LRP1B: variants seen among roughly 807,000 people sequenced by gnomAD.
LRP1B encodes the protein low-density lipoprotein receptor-related protein 1B.
LRP1B carries 217 observed loss-of-function variants against 556.6 expected under a neutral mutation model. The ratio of observed to expected loss-of-function variants is 0.39; its 90% confidence interval spans 0.35 to 0.44. The LOEUF is 0.44. LRP1B is among the 20% of genes least tolerant of loss of function. The probability of loss-of-function intolerance (pLI) is 1.00; values close to 1 mark genes in which losing one functional copy is unlikely to be tolerated. For missense variants in LRP1B, 5,053 were observed against 5,620.8 expected, an observed-to-expected ratio of 0.90 and a Z score of 3.23; for synonymous variants, 2,047 against 1,865.8, an observed-to-expected ratio of 1.10 and a Z score of -2.50.
chr2:141,058,866 G>T lies in LRP1B; in HGVS notation c.1408+17C>A, dbSNP rs758714361. Reference sequence around the variant, plus strand: ...AATCTACCATTAGGAAGGTAATAAAGAAGCTTTCCCACTTACCTGTTGGTT... The same window carrying T: ...AATCTACCATTAGGAAGGTAATAAATAAGCTTTCCCACTTACCTGTTGGTT... On this transcript the variant is annotated intron_variant, in intron 9 of 90. Coordinates refer to ENST00000389484, the MANE Select transcript of LRP1B (RefSeq NM_018557.3). 3.2e-6 allele frequency: 5 copies of T among 1,566,340 alleles called. No individual in the cohort carries two copies. Among genetic ancestry groups the T allele is most frequent in the Non-Finnish European group, 4.3e-6 (5 of 1,158,744 alleles).
intron 3 of LRP1B, among the ~76,000 whole-genome samples, chr2:141,321,256 T>C (rs1687229833): frequency 6.6e-6 from 1 of 152,074 alleles, no homozygotes; most frequent in South Asian, 2.1e-4. Context: ...TACTAGTTAA[T>C]AGTAAATAAA....
intron 2 of LRP1B, among the ~76,000 whole-genome samples, chr2:141,538,689 T>C (rs1685145808): frequency 6.7e-6 from 1 of 150,290 alleles, no homozygotes; most frequent in South Asian, 2.1e-4. Context: ...CAGGCTGGAG[T>C]GCAGCAGCAC....
At chr2:141,834,871 G>A (rs939979827) in intron 1 of LRP1B, among the ~76,000 whole-genome samples, 1 of 151,938 alleles carries the variant, frequency 6.6e-6, no homozygotes, top group African/African-American at 2.4e-5. Flanking sequence ...GCAAAAAAGT[G>A]CAGAGTGAAT....
At chr2:141,058,536 T>G (rs576961020) in intron 9 of LRP1B, among the ~76,000 whole-genome samples, 3 of 151,978 alleles carry the variant, frequency 2.0e-5, no homozygotes, top group African/African-American at 7.2e-5. Context: ...TTCAAGGCAG[T>G]CACCTGATTT....
chr2:140,627,423 C>T (rs1272520809), intron 41 of LRP1B, among the ~76,000 whole-genome samples: 1 of 152,102 alleles, frequency 6.6e-6, no homozygotes, highest in East Asian at 1.9e-4. Flanking sequence ...TGAATGCTTC[C>T]TGCCCTCGAA....
intron 84 of LRP1B, among the ~76,000 whole-genome samples, chr2:140,279,310 G>T (rs551900204): frequency 1.3e-5 from 2 of 152,000 alleles, no homozygotes; most frequent in Non-Finnish European, 2.9e-5. Context: ...TGCATGCTAT[G>T]TGCAAGTCCA....
At chr2:141,475,125 G>A (rs979975358) in intron 3 of LRP1B, among the ~76,000 whole-genome samples, 1 of 152,132 alleles carries the variant, frequency 6.6e-6, no homozygotes, top group East Asian at 1.9e-4. Flanking sequence ...TGTAATCCAA[G>A]CACTGTGGGA....
intron 1 of LRP1B, among the ~76,000 whole-genome samples, chr2:142,079,887 AG>A (rs1402165868): frequency 6.6e-6 from 1 of 152,152 alleles, no homozygotes; most frequent in Non-Finnish European, 1.5e-5. Flanking sequence ...CTGAACTAAC[AG>A]GTTTTCAACA....
intron 7 of LRP1B, among the ~76,000 whole-genome samples, chr2:141,107,401 G>T (rs976304566): frequency 6.6e-6 from 1 of 152,150 alleles, no homozygotes; most frequent in East Asian, 1.9e-4. Flanking sequence ...TAATCCCAGC[G>T]CTTTGGGAGG....
intron 2 of LRP1B, among the ~76,000 whole-genome samples, chr2:141,795,857 A>AAAAAATATATAT (rs1491180183): frequency 6.8e-4 from 35 of 51,604 alleles, no homozygotes; most frequent in African/African-American, 2.6e-3. Context: ...AACCAGGAGC[A>AAAAAATATATAT]ATATATATAT....
chr2:140,273,102 G>A (rs900280183), intron 85 of LRP1B, among the ~76,000 whole-genome samples: 1 of 151,854 alleles, frequency 6.6e-6, no homozygotes, highest in Non-Finnish European at 1.5e-5. Flanking sequence ...GGTAAAATGG[G>A]TAGGAAACTT....
chr2:140,772,802 AAG>A, intron 33 of LRP1B, among the ~76,000 whole-genome samples: 1 of 152,056 alleles, frequency 6.6e-6, no homozygotes, highest in African/African-American at 2.4e-5. Flanking sequence ...TTTGGAGAGA[AAG>A]AGAAATAAGG....
chr2:142,064,760 A>AT (rs576214421), intron 1 of LRP1B, among the ~76,000 whole-genome samples: 243 of 151,684 alleles, frequency 1.6e-3, no homozygotes, highest in African/African-American at 5.5e-3. Context: ...TGTATCTATC[A>AT]TTTTTTGTTT....
At chr2:141,400,738 A>G (rs1690421811) in intron 3 of LRP1B, among the ~76,000 whole-genome samples, 1 of 152,134 alleles carries the variant, frequency 6.6e-6, no homozygotes, top group African/African-American at 2.4e-5. Flanking sequence ...CAATATCTCC[A>G]TGATTTCAGT....
chr2:140,728,341 G>T (rs767263325), intron 35 of LRP1B, among the ~76,000 whole-genome samples: 1 of 152,108 alleles, frequency 6.6e-6, no homozygotes, highest in Non-Finnish European at 1.5e-5. Flanking sequence ...CAGGTAACAC[G>T]TGAGAACTAA....
At chr2:141,859,376 C>G (rs1268655550) in intron 1 of LRP1B, among the ~76,000 whole-genome samples, 2 of 152,142 alleles carry the variant, frequency 1.3e-5, no homozygotes, top group Non-Finnish European at 2.9e-5. Context: ...ATCCTCTCAG[C>G]ATTGCAGGGC....
intron 3 of LRP1B, among the ~76,000 whole-genome samples, chr2:141,401,564 T>C (rs1316193966): frequency 6.6e-6 from 1 of 152,212 alleles, no homozygotes; most frequent in Non-Finnish European, 1.5e-5. Flanking sequence ...TTGCTTCTGC[T>C]AGCAATGCAT....
chr2:141,779,172 A>G (rs1365389203), intron 2 of LRP1B, among the ~76,000 whole-genome samples: 4 of 152,148 alleles, frequency 2.6e-5, no homozygotes, highest in Admixed American at 6.5e-5. Flanking sequence ...TATGTGGATT[A>G]ATTCCTTAAC....
chr2:140,979,318 C>G (rs968260639), intron 18 of LRP1B, among the ~76,000 whole-genome samples: 4 of 151,624 alleles, frequency 2.6e-5, no homozygotes, highest in Non-Finnish European at 5.9e-5. Flanking sequence ...TTCTATTTGC[C>G]AGCTGTAAAG....
Sources: gnomAD v4.1 joint callset for allele counts (sites outside exome capture counted in the v4.1 genomes callset) on GRCh38, gnomAD v4.1.1 for gene constraint, MANE v1.5 for transcripts, NCBI Gene and HGNC (gene_info 2026-07-23, HGNC 2026-07-21) for gene names.